ITGA5: variants seen among roughly 807,000 people sequenced by gnomAD.
The protein encoded by ITGA5 is integrin alpha-5.
Under a neutral mutation model 146.3 loss-of-function variants are expected in ITGA5, and 55 were observed. The observed-to-expected ratio is 0.38, with a 90% CI of 0.30 to 0.47. ITGA5 has a LOEUF of 0.47. Ranked by LOEUF, ITGA5 falls within the 20% of genes least tolerant of loss-of-function variation. ITGA5 has a pLI of 0.99. For missense variants in ITGA5, 1,131 were observed against 1,329.0 expected (o/e 0.85, Z 2.32); for synonymous variants, 500 against 531.8 (o/e 0.94, Z 0.82).
chr12:54,409,143 A>G lies in ITGA5; in HGVS notation c.583+89T>C. On this transcript the variant is annotated intron_variant, in intron 4 of 29. Coordinates refer to ENST00000293379, the MANE Select transcript of ITGA5 (RefSeq NM_002205.5). This position sits in a 1 kb window ranked among gnomAD's most constrained non-coding sequence, Gnocchi z 4.7. ...GCAACCTAGAACCTCATGGGGGCACATGGTAGGTGCGAGTCAACCCTAAGT... is the reference window on the plus strand; with the variant it reads ...GCAACCTAGAACCTCATGGGGGCACGTGGTAGGTGCGAGTCAACCCTAAGT... The G allele has an allele frequency of 2.0e-6, 3 of 1,522,420 alleles. No individual in the cohort carries two copies. Among genetic ancestry groups the G allele is most frequent in the Non-Finnish European group, 2.7e-6 (3 of 1,124,190 alleles). The allele number at this position is 1,522,420 out of a possible 1,614,324, so 94.3% of individuals were successfully genotyped here. A position where few individuals can be genotyped will look rare whatever the true frequency, so the allele number is the denominator to read the frequency against.
At position 54,405,220 on chromosome 12, in the gene ITGA5, G is replaced by T. The variant is rs771180802; in HGVS notation, c.1171C>A (p.Arg391=). The part of the protein sequence containing the change: ...LTLTGHDEFG[R]FGSSLTPLGD... Reference sequence around the variant, plus strand: ...AGGGGGGTCAAGGAGCTGCCAAATCGGCCAAACTCATCATGGCCAGTGAGG... The same window carrying T: ...AGGGGGGTCAAGGAGCTGCCAAATCTGCCAAACTCATCATGGCCAGTGAGG... The change falls in exon 12 of 30, where the codon CGA becomes AGA. Residue 391 remains arginine (R), a synonymous_variant. Coordinates refer to ENST00000293379, the MANE Select transcript of ITGA5 (RefSeq NM_002205.5). The T allele has an allele frequency of 1.2e-6, 2 of 1,612,652 alleles. No individual in the cohort carries two copies. Among genetic ancestry groups the T allele is most frequent in the African/African-American group, 2.7e-5 (2 of 74,992 alleles).
chr12:54,419,051 C>A lies in ITGA5; in HGVS notation c.148G>T (p.Ala50Ser). 6.3e-7 allele frequency: 1 copy of A among 1,588,886 alleles called. No homozygotes were observed. Among genetic ancestry groups the A allele is most frequent in the Non-Finnish European group, 8.5e-7 (1 of 1,170,718 alleles). ...GAGCCCGGGGGCCCCGAGAGTACTG[C>A]TGGGGCCTCCGCGTCTAAGTTGAAG... is the stretch of plus-strand genomic sequence containing the variant. ...GGFNLDAEAPAVLSGPPGSFF... is the reference protein window; with the variant it reads ...GGFNLDAEAPSVLSGPPGSFF... The change falls in exon 1 of 30, where the codon GCA becomes TCA. Residue 50 changes from alanine (A) to serine (S), a missense_variant. This residue lies in a region of ITGA5 where 175 missense variants were observed against 179.3 expected (regional missense o/e 0.98). Coordinates refer to ENST00000293379, the MANE Select transcript of ITGA5 (RefSeq NM_002205.5).
intron 6 of ITGA5, 40 bp from the exon 7 acceptor site, chr12:54,408,275 G>A: frequency 6.2e-7 from 1 of 1,609,496 alleles, no homozygotes; most frequent in Non-Finnish European, 8.5e-7. Context: ...GAGAGGAAGT[G>A]GCAGAGGGGG....
Position 54,402,320 on chromosome 12 carries a change from G to T in ITGA5, c.1993C>A (p.His665Asn), listed in dbSNP as rs938187132. 3 of 1,612,716 alleles carry T rather than the reference G, an allele frequency of 1.9e-6. No individual in the cohort carries two copies. Among genetic ancestry groups the T allele is most frequent in the Non-Finnish European group, 2.5e-6 (3 of 1,179,264 alleles). ...GCATTCTTGTCACCCAGGTACACAT[G>T]GTTCTGCTCCCTGGAAGGGACACAG... is the stretch of plus-strand genomic sequence containing the variant. The part of the protein sequence containing the change: ...LQLEVFGEQN[H>N]VYLGDKNALN... Residue 665 changes from histidine (H) to asparagine (N), a missense_variant, in exon 20 of 30, where the codon CAT becomes AAT. Around this residue, in one of 3 missense-constraint regions of ITGA5, gnomAD observed 889 missense variants for 1,021.5 expected, o/e 0.87. Coordinates refer to ENST00000293379, the MANE Select transcript of ITGA5 (RefSeq NM_002205.5).
At chr12:54,400,505 T>G (rs962452666) in intron 25 of ITGA5, 1 of 253,040 alleles carries the variant, frequency 4.0e-6, no homozygotes, top group African/African-American at 2.3e-5. Flanking sequence ...GTACAGTCAC[T>G]TATTTAATTA....
chr12:54,396,108 G>C lies in ITGA5; in HGVS notation c.*185C>G, dbSNP rs942454089. ...TAAACAAGGGTCCTTCACAGTGCATGGGGGGGAGGGATCCCCAGCTCCTCA... is the reference window on the plus strand; with the variant it reads ...TAAACAAGGGTCCTTCACAGTGCATCGGGGGGAGGGATCCCCAGCTCCTCA... On this transcript the variant is annotated 3_prime_UTR_variant, in exon 30 of 30. Coordinates refer to ENST00000293379, the MANE Select transcript of ITGA5 (RefSeq NM_002205.5). The C allele has an allele frequency of 8.6e-6, 5 of 578,322 alleles. No homozygotes were observed. The highest frequency in any genetic ancestry group is 2.0e-5 in the South Asian group (1 of 49,814). 35.8% of individuals were successfully genotyped at this position (578,322 alleles called of 1,614,324 possible).
intron 1 of ITGA5, among the ~76,000 whole-genome samples, chr12:54,415,926 G>A (rs959834100): frequency 1.3e-5 from 2 of 152,172 alleles, no homozygotes; most frequent in African/African-American, 4.8e-5. Context: ...CAAGTGTCCT[G>A]GGCCAAGTCA....
chr12:54,404,972 C>T, intron 12 of ITGA5, 78 bp from the exon 13 acceptor site: 2 of 1,298,258 alleles, frequency 1.5e-6, no homozygotes, highest in South Asian at 1.5e-5. Context: ...ACCCCAGGAC[C>T]TAGGATCCTA....
Position 54,402,294 on chromosome 12 carries a change from G to T in ITGA5, c.2019C>A (p.Ala673=). ...QNHVYLGDKN[A]LNLTFHAQNV... The stretch of plus-strand genomic sequence containing the variant: ...TCTGGGCATGGAAAGTGAGGTTCAG[G>T]GCATTCTTGTCACCCAGGTACACAT... The change falls in exon 20 of 30, where the codon GCC becomes GCA. Residue 673 remains alanine, a synonymous_variant. Transcript: ENST00000293379. The T allele has an allele frequency of 6.2e-7, 1 of 1,614,130 alleles. No homozygotes were observed. The highest frequency in any genetic ancestry group is 8.5e-7 in the Non-Finnish European group (1 of 1,179,994).
Position 54,396,118 on chromosome 12 carries a change from G to A in ITGA5, c.*175C>T. 1 of 593,276 alleles carries A rather than the reference G, an allele frequency of 1.7e-6. No individual in the cohort carries two copies. The highest frequency in any genetic ancestry group is 3.0e-6 in the Non-Finnish European group (1 of 331,064). The allele number at this position is 593,276 out of a possible 1,614,324, so 36.8% of individuals were successfully genotyped here. On this transcript the variant is annotated 3_prime_UTR_variant, in exon 30 of 30. Transcript: ENST00000293379. The stretch of plus-strand genomic sequence containing the variant: ...TCCTTCACAGTGCATGGGGGGGAGG[G>A]ATCCCCAGCTCCTCACCCCCCTGGC...
Position 54,401,298 on chromosome 12 carries a change from G to A in ITGA5, c.2493+75C>T. 9.0e-7 allele frequency: 1 copy of A among 1,108,014 alleles called. No individual in the cohort carries two copies. 68.6% of individuals were successfully genotyped at this position (1,108,014 alleles called of 1,614,324 possible). On this transcript the variant is annotated intron_variant, in intron 24 of 29. Transcript: ENST00000293379. This position sits in a 1 kb window ranked among gnomAD's most constrained non-coding sequence, Gnocchi z 5.0. ...CTCTTTCTCTCAGTCCCTCACATGGGTTCCAGCCATCTGTCACTCATATTA... is the reference window on the plus strand; with the variant it reads ...CTCTTTCTCTCAGTCCCTCACATGGATTCCAGCCATCTGTCACTCATATTA...
intron 25 of ITGA5, chr12:54,400,310 C>T (rs1395233524): frequency 4.0e-6 from 1 of 247,772 alleles, no homozygotes; most frequent in Non-Finnish European, 7.9e-6. Flanking sequence ...TTCTATGATC[C>T]AATTTAAATA....
At position 54,409,088 on chromosome 12, in the gene ITGA5, G is replaced by A; in HGVS notation, c.584-134C>T. 7.1e-7 allele frequency: 1 copy of A among 1,411,788 alleles called. No individual in the cohort carries two copies. Among genetic ancestry groups the A allele is most frequent in the Non-Finnish European group, 9.8e-7 (1 of 1,020,116 alleles). The allele number at this position is 1,411,788 out of a possible 1,614,324, so 87.5% of individuals were successfully genotyped here. ...CCTGGACCAGACAGTAAGCATAAAG[G>A]CTAACGAACTGGGTTAGCCTTTATC... is the stretch of plus-strand genomic sequence containing the variant. On this transcript the variant is annotated intron_variant, in intron 4 of 29. Coordinates refer to ENST00000293379, the MANE Select transcript of ITGA5 (RefSeq NM_002205.5). The surrounding 1 kb of genome is among the most constrained non-coding windows in gnomAD (Gnocchi z 4.7).
rs762150829 is a variant in ITGA5, at chr12:54,409,514, T to C, written c.433A>G (p.Thr145Ala). Residue 145 changes from threonine to alanine, a missense_variant, in exon 3 of 30, where the codon ACA becomes GCA. Around this residue, in one of 3 missense-constraint regions of ITGA5, gnomAD observed 67 missense variants for 128.2 expected, o/e 0.52. Coordinates refer to ENST00000293379, the MANE Select transcript of ITGA5 (RefSeq NM_002205.5). This position sits in a 1 kb window ranked among gnomAD's most constrained non-coding sequence, Gnocchi z 4.7. ...ATGGAGGAGCCATGGGCTCGAACTG[T>C]TGCCCCGAACCACTGCAAGGACTTG... is the stretch of plus-strand genomic sequence containing the variant. ...EYKSLQWFGA[T>A]VRAHGSSILA... 8 of 1,613,920 alleles carry C rather than the reference T, an allele frequency of 5.0e-6. No individual in the cohort carries two copies. Among genetic ancestry groups the C allele is most frequent in the Non-Finnish European group, 6.8e-6 (8 of 1,179,928 alleles).
Position 54,396,149 on chromosome 12 carries a change from C to T in ITGA5, c.*144G>A. On this transcript the variant is annotated 3_prime_UTR_variant, in exon 30 of 30. Transcript: ENST00000293379. ...CAGCTCCTCACCCCCCTGGCTCTGG[C>T]CCTTCAAGTATGTCTCTGGGCTGGG... The T allele has an allele frequency of 4.7e-6, 3 of 643,948 alleles. No individual in the cohort carries two copies. In the South Asian group the frequency reaches 5.7e-5, roughly 12 times the overall value. 39.9% of individuals were successfully genotyped at this position (643,948 alleles called of 1,614,324 possible). A position where few individuals can be genotyped will look rare whatever the true frequency, so the allele number is the denominator to read the frequency against.
In ITGA5 at chr12:54,403,242, C is replaced by G. The variant is rs1204623492; in HGVS notation, c.1859G>C (p.Ser620Thr). The G allele has an allele frequency of 6.4e-7, 1 of 1,570,302 alleles. No individual in the cohort carries two copies. Among genetic ancestry groups the G allele is most frequent in the East Asian group, 2.3e-5 (1 of 44,290 alleles). Reference protein sequence around the residue: ...FSLDPQAPVDSHGLRPALHYQ... With the variant: ...FSLDPQAPVDTHGLRPALHYQ... ...ATGTAGGGCTGGCCTGAGGCCGTGGCTGTCCACTGGGGCTTGGGGGTCCAA... is the reference window on the plus strand; with the variant it reads ...ATGTAGGGCTGGCCTGAGGCCGTGGGTGTCCACTGGGGCTTGGGGGTCCAA... The change falls in exon 18 of 30, where the codon AGC becomes ACC. Residue 620 changes from serine to threonine, a missense_variant. Physicochemically the swap from Ser to Thr is moderately conservative, Grantham distance 58 (BLOSUM62 1). Transcript: ENST00000293379. The surrounding 1 kb of genome is among the most constrained non-coding windows in gnomAD (Gnocchi z 4.9).
At chr12:54,417,687 C>T (rs544388993) in intron 1 of ITGA5, among the ~76,000 whole-genome samples, 1 of 152,036 alleles carries the variant, frequency 6.6e-6, no homozygotes, top group East Asian at 1.9e-4. Context: ...AAAAACAGGT[C>T]GCTTCTGACA....
rs758781982 is a variant in ITGA5 at position 54,408,962 on chromosome 12, G to A, written c.584-8C>T. ...CTGCTGCCCAGCTGAAATCTGTGAG[G>A]GGAGAAGGTGGTGAAAATGAGCCCT... On this transcript the variant is annotated splice_polypyrimidine_tract_variant and splice_region_variant and intron_variant, in intron 4 of 29. Transcript: ENST00000293379. 1.2e-6 allele frequency: 2 copies of A among 1,613,822 alleles called. No individual in the cohort carries two copies. The highest frequency in any genetic ancestry group is 4.5e-5 in the East Asian group (2 of 44,864).
At position 54,409,864 on chromosome 12, in the gene ITGA5, C is replaced by CTT. The variant is rs573055963; in HGVS notation, c.350-269_350-268dup. ...CACACGCACACAGAACCTGGGCTTTCTTTTTTTTTTGAGATGGAGTCTCAC... is the reference window on the plus strand; with the variant it reads ...CACACGCACACAGAACCTGGGCTTTCTTTTTTTTTTTTGAGATGGAGTCTCAC... On this transcript the variant is annotated intron_variant, in intron 2 of 29. Coordinates refer to ENST00000293379, the MANE Select transcript of ITGA5 (RefSeq NM_002205.5). This position sits in a 1 kb window ranked among gnomAD's most constrained non-coding sequence, Gnocchi z 4.7. The CTT allele has an allele frequency of 2.0e-4, 58 of 287,694 alleles. No individual in the cohort carries two copies. Among genetic ancestry groups the CTT allele is most frequent in the Middle Eastern group, 1.1e-3 (1 of 938 alleles). The allele number at this position is 287,694 out of a possible 1,614,324, so 17.8% of individuals were successfully genotyped here.
Sources: gnomAD v4.1 joint callset for allele counts (sites outside exome capture counted in the v4.1 genomes callset) on GRCh38, gnomAD v4.1.1 for gene constraint, gnomAD v4.1.1 regional missense constraint, Gnocchi (gnomAD v3.1) non-coding constraint, MANE v1.5 for transcripts, NCBI Gene and HGNC (gene_info 2026-07-23, HGNC 2026-07-21) for gene names.